Variants in CHODL observed in about 807,000 individuals in gnomAD.
CHODL encodes transmembrane protein MT75.
CHODL carries 29 observed loss-of-function variants against 34.5 expected under a neutral mutation model. The observed-to-expected ratio is 0.84, with a 90% confidence interval of 0.63 to 1.15. CHODL has a LOEUF of 1.15. CHODL is among the 50% of genes most tolerant of loss of function. The pLI, the probability that CHODL is intolerant of heterozygous loss-of-function variation, is 0.00. For missense variants in CHODL, 332 were observed against 332.5 expected, an observed-to-expected ratio of 1.00 and a Z score of 0.01; for synonymous variants, 125 against 116.1, an observed-to-expected ratio of 1.08 and a Z score of -0.49.
At chr21:18,252,132 T>C (rs1309157202) in intron 1 of CHODL, among the ~76,000 whole-genome samples, 1 of 152,140 alleles carries the variant, frequency 6.6e-6, no homozygotes, top group African/African-American at 2.4e-5. Flanking sequence ...TTTCTCTCTC[T>C]TGTAGATAAG....
intron 2 of CHODL, among the ~76,000 whole-genome samples, chr21:18,085,700 G>C: frequency 6.6e-6 from 1 of 152,078 alleles, no homozygotes; most frequent in Non-Finnish European, 1.5e-5. Context: ...CTAGCCTGGA[G>C]GTTTTCTGCT....
At chr21:18,012,900 T>C (rs2064032703) in intron 1 of CHODL, among the ~76,000 whole-genome samples, 1 of 151,658 alleles carries the variant, frequency 6.6e-6, no homozygotes, top group Non-Finnish European at 1.5e-5. Context: ...TGGAGTGGTA[T>C]TGCTGTCGTT....
In CHODL at chr21:18,015,989, G is replaced by C. The variant is rs981281009; in HGVS notation, c.-144-11883G>C. ...CTCATATTTAAAAGGGAAGCAGAGC[G>C]TAGAAGTTTGGAAAATTTGCAGCCT... On this transcript the variant is annotated intron_variant, in intron 1 of 6. Transcript: ENST00000400127. Among the ~76,000 whole-genome samples the C allele has an allele frequency of 2.0e-5, 3 of 152,326 alleles. No homozygotes were observed. The East Asian group carries it at 5.8e-4, about 29-fold the overall frequency.
intron 2 of CHODL, among the ~76,000 whole-genome samples, chr21:18,225,479 T>C (rs2073922908): frequency 1.3e-5 from 2 of 152,156 alleles, no homozygotes; most frequent in Non-Finnish European, 2.9e-5. Context: ...ACATTTAAAC[T>C]AATTTGGAGA....
At chr21:18,060,979 A>T (rs942000080) in intron 2 of CHODL, among the ~76,000 whole-genome samples, 1 of 152,206 alleles carries the variant, frequency 6.6e-6, no homozygotes, top group Non-Finnish European at 1.5e-5. Flanking sequence ...CAGGTGTTCC[A>T]GCGTTGTATT....
chr21:17,992,505 C>G (rs1428315574), intron 1 of CHODL, among the ~76,000 whole-genome samples: 3 of 152,032 alleles, frequency 2.0e-5, no homozygotes, highest in Admixed American at 1.3e-4. Flanking sequence ...GCAGTTTTCA[C>G]TGTAGAGATA....
At chr21:17,929,840 G>A (rs1211726320) in intron 1 of CHODL, among the ~76,000 whole-genome samples, 1 of 141,386 alleles carries the variant, frequency 7.1e-6, no homozygotes, top group East Asian at 2.2e-4. Flanking sequence ...AGGGAGTGGG[G>A]AGGCCAAGTA....
intron 2 of CHODL, among the ~76,000 whole-genome samples, chr21:18,098,515 A>C (rs931364566): frequency 2.0e-5 from 3 of 152,132 alleles, no homozygotes; most frequent in African/African-American, 7.2e-5. Flanking sequence ...ATGTAAATCA[A>C]AACTACAATG....
chr21:18,098,854 G>T (rs957685025), intron 2 of CHODL, among the ~76,000 whole-genome samples: 1 of 152,032 alleles, frequency 6.6e-6, no homozygotes, highest in Non-Finnish European at 1.5e-5. Flanking sequence ...AATGGAAAAG[G>T]AACACGTGGT....
chr21:17,930,338 T>G (rs1000139634), intron 1 of CHODL, among the ~76,000 whole-genome samples: 2 of 152,350 alleles, frequency 1.3e-5, no homozygotes, highest in Middle Eastern at 6.8e-3. Context: ...TGCTTTCATC[T>G]TATTAGCAGC....
intron 1 of CHODL, among the ~76,000 whole-genome samples, chr21:17,971,576 G>T (rs184693926): frequency 3.7e-4 from 56 of 152,010 alleles, no homozygotes; most frequent in Non-Finnish European, 6.6e-4. Flanking sequence ...CTTTTTGATG[G>T]GTTGTTTGTT....
At chr21:17,988,963 G>A (rs569361547) in intron 1 of CHODL, among the ~76,000 whole-genome samples, 3 of 152,182 alleles carry the variant, frequency 2.0e-5, no homozygotes, top group East Asian at 3.9e-4. Context: ...AGATCCCTGA[G>A]GAATCGCCAC....
chr21:18,090,575 G>A (rs1016295604), intron 2 of CHODL, among the ~76,000 whole-genome samples: 3 of 151,846 alleles, frequency 2.0e-5, no homozygotes, highest in Non-Finnish European at 4.4e-5. Context: ...TAACAACAGT[G>A]TGCAAAGAAA....
intron 1 of CHODL, among the ~76,000 whole-genome samples, chr21:17,926,143 C>T (rs2063220435): frequency 1.3e-5 from 2 of 152,086 alleles, no homozygotes; most frequent in Admixed American, 6.5e-5. Context: ...TCTTAAAAAG[C>T]TGATACACAG....
In CHODL at chr21:17,960,089, T is replaced by G. The variant is rs80145961; in HGVS notation, c.-145+42689T>G. On this transcript the variant is annotated intron_variant, in intron 1 of 6. Transcript: ENST00000400127. ...CGTAGCTGGGTATAATGTATGTATTTGCCCCTCAAGATGCCTCAGGGATAC... is the reference window on the plus strand; with the variant it reads ...CGTAGCTGGGTATAATGTATGTATTGGCCCCTCAAGATGCCTCAGGGATAC... Among the ~76,000 whole-genome samples, 682 of 152,202 alleles carry G rather than the reference T, an allele frequency of 4.5e-3. 15 individuals carry two copies. The East Asian group carries it at 0.06, about 13-fold the overall frequency.
intron 2 of CHODL, among the ~76,000 whole-genome samples, chr21:18,131,047 T>G (rs891357089): frequency 6.6e-6 from 1 of 152,038 alleles, no homozygotes; most frequent in South Asian, 2.1e-4. Flanking sequence ...TCTGGTGAGG[T>G]CCCTTTTCTT....
At chr21:18,005,015 T>C (rs1349613313) in intron 1 of CHODL, among the ~76,000 whole-genome samples, 1 of 152,192 alleles carries the variant, frequency 6.6e-6, no homozygotes, top group African/African-American at 2.4e-5. Context: ...CCTCAGCCCA[T>C]TTAATTTGAG....
intron 2 of CHODL, among the ~76,000 whole-genome samples, chr21:18,213,567 AG>A (rs2073794217): frequency 6.6e-6 from 1 of 152,102 alleles, no homozygotes; most frequent in African/African-American, 2.4e-5. Context: ...GAAAGATAGA[AG>A]AAAAGAAAAT....
At chr21:18,165,020 G>A (rs1359257301) in intron 2 of CHODL, among the ~76,000 whole-genome samples, 1 of 152,100 alleles carries the variant, frequency 6.6e-6, no homozygotes, top group Admixed American at 6.5e-5. Flanking sequence ...TGTTTTCCAA[G>A]CTTAGTGGTA....
Sources: gnomAD v4.1 joint callset for allele counts (sites outside exome capture counted in the v4.1 genomes callset) on GRCh38, gnomAD v4.1.1 for gene constraint, MANE v1.5 for transcripts, NCBI Gene and HGNC (gene_info 2026-07-23, HGNC 2026-07-21) for gene names.